GSDMD: variants seen among roughly 807,000 people sequenced by gnomAD.
GSDMD encodes the protein gasdermin-D.
Under a neutral mutation model 46.7 loss-of-function variants are expected in GSDMD, and 46 were observed. The observed-to-expected ratio is 0.99, with a 90% CI of 0.78 to 1.26. The LOEUF (loss-of-function observed/expected upper bound fraction) is 1.26. Ranked by LOEUF, GSDMD falls within the 50% of genes most tolerant of loss-of-function variation. The pLI is 0.00. For synonymous variants in GSDMD, 307 were observed against 283.1 expected, an observed-to-expected ratio of 1.08 and a Z score of -0.85; for missense variants, 649 against 638.8, an observed-to-expected ratio of 1.02 and a Z score of -0.17.
At chr8:143,562,169 C>T (rs914145250) in intron 8 of GSDMD, 38 bp downstream of exon 8, 3 of 1,594,786 alleles carry the variant, frequency 1.9e-6, no homozygotes, top group Non-Finnish European at 1.7e-6. Context: ...ACAAGGCCTG[C>T]CCAGCCAGCC....
chr8:143,559,614 G>A, intron 2 of GSDMD, 62 bp downstream of exon 2: 1 of 1,524,368 alleles, frequency 6.6e-7, no homozygotes, highest in South Asian at 1.2e-5. Context: ...GGAGCGGGCT[G>A]GGGCCAACCA....
chr8:143,562,109 C>T lies in GSDMD; in HGVS notation c.974C>T (p.Ala325Val), dbSNP rs375586491. The T allele has an allele frequency of 2.5e-6, 4 of 1,597,012 alleles. No homozygotes were observed. The highest frequency in any genetic ancestry group is 1.7e-4 in the Middle Eastern group (1 of 6,030). ...GAGGGGGTGCTGCGGGACCAGCTGG[C>T]CCTGCGAGCCTTGGAGGAGGCGGTG... ...GLEGVLRDQL[A>V]LRALEEALEQ... The change falls in exon 8 of 11, where the codon GCC becomes GTC. Residue 325 changes from alanine to valine, a missense_variant. Transcript: ENST00000262580.
chr8:143,556,210 C>T (rs1823294175), upstream of GSDMD, among the ~76,000 whole-genome samples: 1 of 152,036 alleles, frequency 6.6e-6, no homozygotes, highest in Non-Finnish European at 1.5e-5. Context: ...AACACTCCGT[C>T]TCTCACACAC....
Position 143,562,111 on chromosome 8 carries a change from C to A in GSDMD, c.976C>A (p.Leu326Met). 6.3e-7 allele frequency: 1 copy of A among 1,597,598 alleles called. No individual in the cohort carries two copies. The highest frequency in any genetic ancestry group is 8.5e-7 in the Non-Finnish European group (1 of 1,178,084). Residue 326 changes from leucine to methionine, a missense_variant, in exon 8 of 11, where the codon CTG becomes ATG. Transcript: ENST00000262580. ...LEGVLRDQLALRALEEALEQG... is the reference protein window; with the variant it reads ...LEGVLRDQLAMRALEEALEQG... ...GGGGGTGCTGCGGGACCAGCTGGCC[C>A]TGCGAGCCTTGGAGGAGGCGGTGAG...
chr8:143,554,528 CACAAACGCACACA>C, upstream of GSDMD, among the ~76,000 whole-genome samples: 1 of 150,874 alleles, frequency 6.6e-6, no homozygotes, highest in Middle Eastern at 3.5e-3. Context: ...TGCTCACGTG[CACAAACGCACACA>C]ACACGCACGT....
intron 1 of GSDMD, chr8:143,559,077 G>A (rs1478772099): frequency 1.7e-6 from 1 of 595,680 alleles, no homozygotes; most frequent in Non-Finnish European, 3.0e-6. Flanking sequence ...GAGCAGGTCT[G>A]GGCGTCAGGC....
In GSDMD at chr8:143,560,272, G is replaced by A. The variant is rs1274965526; in HGVS notation, c.410+303G>A. 10 of 686,420 alleles carry A rather than the reference G, an allele frequency of 1.5e-5. No homozygotes were observed. In the East Asian group the frequency reaches 2.5e-4, roughly 17 times the overall value. The allele number at this position is 686,420 out of a possible 1,614,324, so 42.5% of individuals were successfully genotyped here. A position where few individuals can be genotyped will look rare whatever the true frequency, so the allele number is the denominator to read the frequency against. On this transcript the variant is annotated intron_variant, in intron 3 of 10. Coordinates refer to ENST00000262580, the MANE Select transcript of GSDMD (RefSeq NM_024736.7). ...GGAACCAGCTTGCAGGAAGGAAGCT[G>A]CAGGGGTCATCTGGGGCCTCCGCTG...
At chr8:143,558,260 G>A, upstream of GSDMD, 1 of 1,433,050 alleles carries the variant, frequency 7.0e-7, no homozygotes, top group African/African-American at 1.5e-5. Context: ...AGGCGGGCTG[G>A]CGGGAAGAGG....
chr8:143,556,273 G>A (rs987939643), upstream of GSDMD, among the ~76,000 whole-genome samples: 3 of 152,156 alleles, frequency 2.0e-5, no homozygotes, highest in Admixed American at 6.5e-5. Flanking sequence ...CCAACTACTC[G>A]GGAGGCTGAG....
At chr8:143,560,296 T>C in intron 3 of GSDMD, 2 of 688,754 alleles carry the variant, frequency 2.9e-6, no homozygotes, top group Non-Finnish European at 5.3e-6. Flanking sequence ...GGGCCTCCGC[T>C]GCCAGGACTG....
At chr8:143,562,628 C>G (rs756270149) in intron 10 of GSDMD, 34 bp from the exon 11 acceptor site, 1 of 1,600,112 alleles carries the variant, frequency 6.2e-7, no homozygotes, top group East Asian at 2.2e-5. Context: ...GCCCAGATTT[C>G]CCCATCTGAC....
Position 143,561,044 on chromosome 8 carries a change from A to G in GSDMD, c.622A>G (p.Ile208Val), listed in dbSNP as rs1213321682. 6.2e-7 allele frequency: 1 copy of G among 1,613,094 alleles called. No homozygotes were observed. Among genetic ancestry groups the G allele is most frequent in the Non-Finnish European group, 8.5e-7 (1 of 1,179,964 alleles). The change falls in exon 5 of 11, where the codon ATC (isoleucine) becomes GTC (valine). Residue 208 changes from isoleucine to valine, a missense_variant. Coordinates refer to ENST00000262580, the MANE Select transcript of GSDMD (RefSeq NM_024736.7). ...TCTGAGCCAGAAGAAGACGGTCACC[A>G]TCCCCTCAGGCAGCACCCTCGCATT... Reference protein sequence around the residue: ...GHLSQKKTVTIPSGSTLAFRV... With the variant: ...GHLSQKKTVTVPSGSTLAFRV...
chr8:143,559,311 T>C, intron 1 of GSDMD, 21 bp from the exon 2 acceptor site: 4 of 628,284 alleles, frequency 6.4e-6, no homozygotes, highest in East Asian at 6.4e-5. Flanking sequence ...GCACAATGCC[T>C]GACCCATTTC....
intron 6 of GSDMD, 74 bp from the exon 7 acceptor site, chr8:143,561,668 A>G: frequency 8.0e-7 from 1 of 1,249,996 alleles, no homozygotes; most frequent in Non-Finnish European, 1.1e-6. Context: ...GGCCTGGGGA[A>G]GGCCTCAGCC....
At position 143,562,305 on chromosome 8, in the gene GSDMD, C is replaced by G; in HGVS notation, c.1093C>G (p.Pro365Ala). The change falls in exon 9 of 11, where the codon CCG becomes GCG. Residue 365 changes from proline (P) to alanine (A), a missense_variant. Coordinates refer to ENST00000262580, the MANE Select transcript of GSDMD (RefSeq NM_024736.7). ...GGTGTTGTCCTCCGGAATGCTGGTG[C>G]CGGAACTCGCTATCCCTGTTGTCTA... Reference protein sequence around the residue: ...CLVLSSGMLVPELAIPVVYLL... With the variant: ...CLVLSSGMLVAELAIPVVYLL... 8.4e-6 allele frequency: 13 copies of G among 1,553,466 alleles called. No homozygotes were observed. Among genetic ancestry groups the G allele is most frequent in the Non-Finnish European group, 1.1e-5 (13 of 1,149,674 alleles).
chr8:143,561,920 G>A lies in GSDMD; in HGVS notation c.824-39G>A, dbSNP rs184769344. 1.0e-3 allele frequency: 1,613 copies of A among 1,606,560 alleles called. 23 individuals carry two copies. The highest frequency in any genetic ancestry group is 9.4e-5 in the Non-Finnish European group (111 of 1,176,020). ...CCTGACCGAGGCTTTCCAGGGCCCT[G>A]TAAGCACCTGGGCAGTGCCAGCCCT... On this transcript the variant is annotated intron_variant, in intron 7 of 10. Coordinates refer to ENST00000262580, the MANE Select transcript of GSDMD (RefSeq NM_024736.7).
chr8:143,561,163 G>A, intron 5 of GSDMD, 59 bp downstream of exon 5: 5 of 1,507,880 alleles, frequency 3.3e-6, no homozygotes, highest in Non-Finnish European at 3.7e-6. Flanking sequence ...AGGGAGGCCT[G>A]GGGAGAGCTA....
At chr8:143,559,224 T>C in intron 1 of GSDMD, 108 bp from the exon 2 acceptor site, 1 of 729,126 alleles carries the variant, frequency 1.4e-6, no homozygotes, top group South Asian at 1.8e-5. Context: ...AGGGCTGTTC[T>C]GGAGGGAAGG....
chr8:143,561,879 CCTGGGGTCTGCCTGTCCT>C (rs775507003), intron 7 of GSDMD, 51 bp downstream of exon 7: 251 of 1,609,650 alleles, frequency 1.6e-4, no homozygotes, highest in Non-Finnish European at 4.3e-5. Flanking sequence ...TCTCCTGCCC[CCTGGGGTCTGCCTGTCCT>C]GACCGAGGCT....
Sources: allele counts gnomAD v4.1 joint callset (sites outside exome capture counted in the v4.1 genomes callset), GRCh38; gene constraint gnomAD v4.1.1; transcripts MANE v1.5; gene names NCBI Gene and HGNC (gene_info 2026-07-23, HGNC 2026-07-21).